AQP4: variants seen among roughly 807,000 people sequenced by gnomAD.
AQP4 encodes the protein aquaporin 4.
AQP4 carries 18 observed loss-of-function variants against 27.8 expected under a neutral mutation model. The observed-to-expected ratio is 0.65, with a 90% confidence interval of 0.45 to 0.96. AQP4 has a LOEUF of 0.96. Ranked by LOEUF, AQP4 falls within the 40% of genes least tolerant of loss-of-function variation. The pLI is 0.00. For missense variants in AQP4, 412 were observed against 408.2 expected, an observed-to-expected ratio of 1.01 and a Z score of -0.08; for synonymous variants, 141 against 142.9, an observed-to-expected ratio of 0.99 and a Z score of 0.10.
In AQP4 at chr18:26,854,760, A is replaced by G. The variant is rs1240835290; in HGVS notation, c.*1451T>C. On this transcript the variant is annotated 3_prime_UTR_variant, in exon 5 of 5. Coordinates refer to ENST00000383168, the MANE Select transcript of AQP4 (RefSeq NM_001650.7). ...AGTGATAGGTTTCTGCTTTACTTCTAATAGCTTTTGTTTAGTGAAATTGAC... is the reference window on the plus strand; with the variant it reads ...AGTGATAGGTTTCTGCTTTACTTCTGATAGCTTTTGTTTAGTGAAATTGAC... 1 of 152,422 alleles carries G rather than the reference A, an allele frequency of 6.6e-6. No homozygotes were observed. Among genetic ancestry groups the G allele is most frequent in the Non-Finnish European group, 1.5e-5 (1 of 68,018 alleles). The allele number at this position is 152,422 out of a possible 1,614,324, so 9.4% of individuals were successfully genotyped here.
intron 4 of AQP4, 146 bp from the exon 5 acceptor site, chr18:26,856,635 A>G (rs1374787105): frequency 1.1e-6 from 1 of 904,178 alleles, no homozygotes; most frequent in African/African-American, 1.7e-5. Context: ...GGAAATAAGA[A>G]AACACACCAA....
rs1315743057 is a variant in AQP4, at chr18:26,853,875, C to T, written c.*2336G>A. ...TCATGCCCCTAAAAATAGTAGAATG[C>T]AAAAAATGTATTTTATGGTTTTCAC... is the stretch of plus-strand genomic sequence containing the variant. On this transcript the variant is annotated 3_prime_UTR_variant, in exon 5 of 5. Coordinates refer to ENST00000383168, the MANE Select transcript of AQP4 (RefSeq NM_001650.7). 1.3e-5 allele frequency: 2 copies of T among 152,230 alleles called. No individual in the cohort carries two copies. The highest frequency in any genetic ancestry group is 4.8e-5 in the African/African-American group (2 of 41,420). The allele number at this position is 152,230 out of a possible 1,614,324, so 9.4% of individuals were successfully genotyped here.
At chr18:26,856,751 A>G (rs1568065491) in intron 4 of AQP4, among the ~76,000 whole-genome samples, 2 of 152,224 alleles carry the variant, frequency 1.3e-5, no homozygotes, top group African/African-American at 4.8e-5. Context: ...TTTCCATCTT[A>G]TGATAATCGT....
intron 1 of AQP4, among the ~76,000 whole-genome samples, chr18:26,864,562 G>C (rs1489620015): frequency 3.3e-5 from 5 of 152,198 alleles, no homozygotes; most frequent in African/African-American, 1.2e-4. Flanking sequence ...GGCAGGGAGG[G>C]CACCCTGGAG....
Position 26,854,462 on chromosome 18 carries a change from G to C in AQP4, c.*1749C>G, listed in dbSNP as rs896429463. 1.3e-5 allele frequency: 2 copies of C among 152,588 alleles called. No homozygotes were observed. Among genetic ancestry groups the C allele is most frequent in the East Asian group, 3.8e-4 (2 of 5,198 alleles). 9.5% of individuals were successfully genotyped at this position (152,588 alleles called of 1,614,324 possible). A position where few individuals can be genotyped will look rare whatever the true frequency, so the allele number is the denominator to read the frequency against. On this transcript the variant is annotated 3_prime_UTR_variant, in exon 5 of 5. Transcript: ENST00000383168. ...ACTATGTGTCACTGGCGCAGTGTGT[G>C]GTGTGGCCACGCCCCCTGAGAAAGG...
chr18:26,859,019 A>G (rs1291842100), intron 4 of AQP4, among the ~76,000 whole-genome samples: 4 of 152,244 alleles, frequency 2.6e-5, no homozygotes, highest in African/African-American at 9.6e-5. Context: ...TAAGATTGGT[A>G]TAATATAACA....
chr18:26,854,489 G>A lies in AQP4; in HGVS notation c.*1722C>T, dbSNP rs1406329146. The A allele has an allele frequency of 1.3e-5, 2 of 152,620 alleles. No homozygotes were observed. Among genetic ancestry groups the A allele is most frequent in the African/African-American group, 4.8e-5 (2 of 41,450 alleles). 9.5% of individuals were successfully genotyped at this position (152,620 alleles called of 1,614,324 possible). ...TGTGGCCACGCCCCCTGAGAAAGGG[G>A]CCTGGGATTTAGGCACCTGCGGTAT... On this transcript the variant is annotated 3_prime_UTR_variant, in exon 5 of 5. Coordinates refer to ENST00000383168, the MANE Select transcript of AQP4 (RefSeq NM_001650.7).
In AQP4 at chr18:26,852,523, T is replaced by C. The variant is rs951199296; in HGVS notation, c.*3688A>G. Reference sequence around the variant, plus strand: ...GAAATGTATTTTCACAGGCTATAGGTAGTCATTTGCAAAGATGGCCACAAT... The same window carrying C: ...GAAATGTATTTTCACAGGCTATAGGCAGTCATTTGCAAAGATGGCCACAAT... On this transcript the variant is annotated 3_prime_UTR_variant, in exon 5 of 5. Coordinates refer to ENST00000383168, the MANE Select transcript of AQP4 (RefSeq NM_001650.7). 1.0e-5 allele frequency: 3 copies of C among 286,788 alleles called. No homozygotes were observed. The highest frequency in any genetic ancestry group is 6.5e-5 in the African/African-American group (3 of 46,388). The allele number at this position is 286,788 out of a possible 1,614,324, so 17.8% of individuals were successfully genotyped here. A position where few individuals can be genotyped will look rare whatever the true frequency, so the allele number is the denominator to read the frequency against.
In AQP4 at chr18:26,856,479, A is replaced by C; in HGVS notation, c.704T>G (p.Val235Gly). Residue 235 changes from valine (V) to glycine (G), a missense_variant, in exon 5 of 5, where the codon GTT becomes GGT. By Grantham distance (109) the Val-to-Gly change is moderately radical. Transcript: ENST00000383168. ...GNWENHWIYW[V>G]GPIIGAVLAG... ...GAGGACAGCTCCTATGATGGGCCCA[A>C]CCCAATATATCTAAGGAAAAGATGG... 1.2e-6 allele frequency: 2 copies of C among 1,614,164 alleles called. No homozygotes were observed. The highest frequency in any genetic ancestry group is 8.5e-7 in the Non-Finnish European group (1 of 1,180,004).
chr18:26,862,985 C>A, intron 1 of AQP4: 1 of 131,096 alleles, frequency 7.6e-6, no homozygotes, highest in African/African-American at 3.5e-5. Context: ...AGCATTAAAA[C>A]AAGGTGTGCG....
At chr18:26,857,877 A>G (rs1022135348) in intron 4 of AQP4, among the ~76,000 whole-genome samples, 3 of 152,200 alleles carry the variant, frequency 2.0e-5, no homozygotes, top group African/African-American at 4.8e-5. Context: ...TTCCCATTTT[A>G]TGAAAAGAAG....
intron 2 of AQP4, 59 bp downstream of exon 2, chr18:26,862,123 T>C: frequency 6.3e-7 from 1 of 1,586,952 alleles, no homozygotes; most frequent in Non-Finnish European, 8.7e-7. Context: ...AAGGCATTAT[T>C]TAGCAAAGAG....
intron 1 of AQP4, among the ~76,000 whole-genome samples, chr18:26,864,469 GA>G (rs1442418531): frequency 1.3e-5 from 2 of 152,108 alleles, no homozygotes; most frequent in Non-Finnish European, 2.9e-5. Flanking sequence ...TCAGAAGTAT[GA>G]AAAACCCCAG....
At chr18:26,865,764 A>C, upstream of AQP4, 1 of 1,578,178 alleles carries the variant, frequency 6.3e-7, no homozygotes. Flanking sequence ...GATTACGGCC[A>C]CTTGTCTGAT....
intron 1 of AQP4, among the ~76,000 whole-genome samples, chr18:26,863,349 C>A: frequency 6.6e-6 from 1 of 152,188 alleles, no homozygotes. Context: ...AAACCTCCGT[C>A]CCCAGGGAGC....
Position 26,862,469 on chromosome 18 carries a change from C to T in AQP4, c.160G>A (p.Gly54Arg). The T allele has an allele frequency of 6.2e-7, 1 of 1,614,130 alleles. No individual in the cohort carries two copies. The change falls in exon 2 of 5, where the codon GGA becomes AGA. Residue 54 changes from glycine (G) to arginine (R), a missense_variant. By Grantham distance (125) the Gly-to-Arg change is moderately radical (BLOSUM62 -2). Transcript: ENST00000383168. ...AMLIFVLLSLGSTINWGGTEK... is the reference protein window; with the variant it reads ...AMLIFVLLSLRSTINWGGTEK... ...GTTCCACCCCAGTTGATGGTGGATC[C>T]CAGGCTGAGGAGAACAAAAATAAGC...
intron 1 of AQP4, among the ~76,000 whole-genome samples, chr18:26,864,355 A>C (rs1254136468): frequency 1.3e-5 from 2 of 151,242 alleles, no homozygotes; most frequent in Non-Finnish European, 2.9e-5. Flanking sequence ...AGAGAGAAAA[A>C]CCCTTTCTTG....
At position 26,862,490 on chromosome 18, in the gene AQP4, T is replaced by G. The variant is rs201582782; in HGVS notation, c.139A>C (p.Ile47Leu). ...GATCCCAGGCTGAGGAGAACAAAAATAAGCATGGCCAGAAATTCCGCTGTG... is the reference window on the plus strand; with the variant it reads ...GATCCCAGGCTGAGGAGAACAAAAAGAAGCATGGCCAGAAATTCCGCTGTG... The part of the protein sequence containing the change: ...AVTAEFLAML[I>L]FVLLSLGSTI... Residue 47 changes from isoleucine (I) to leucine (L), a missense_variant, in exon 2 of 5, where the codon ATT (isoleucine) becomes CTT (leucine). Ile to Leu is a conservative substitution (Grantham distance 5). Transcript: ENST00000383168. 7 of 1,614,172 alleles carry G rather than the reference T, an allele frequency of 4.3e-6. No homozygotes were observed. The East Asian group carries it at 1.6e-4, about 36-fold the overall frequency.
intron 3 of AQP4, 48 bp downstream of exon 3, chr18:26,861,083 A>G (rs1451798060): frequency 6.2e-7 from 1 of 1,601,790 alleles, no homozygotes; most frequent in Non-Finnish European, 8.6e-7. Context: ...AGCTAGAGTG[A>G]GGATAAATGA....
Sources: gnomAD v4.1 joint callset for allele counts (sites outside exome capture counted in the v4.1 genomes callset) on GRCh38, gnomAD v4.1.1 for gene constraint, MANE v1.5 for transcripts, NCBI Gene and HGNC (gene_info 2026-07-23, HGNC 2026-07-21) for gene names.